The following TECPR1 variants were observed in gnomAD, a reference collection of about 807,000 sequenced individuals.
TECPR1 encodes tectonin beta-propeller repeat-containing protein 1.
Under a neutral mutation model 162.4 loss-of-function variants are expected in TECPR1, and 122 were observed. The observed-to-expected ratio is 0.75, with a 90% confidence interval of 0.65 to 0.87. The LOEUF (loss-of-function observed/expected upper bound fraction) is 0.87, where lower values mean the gene tolerates loss of function less well. Ranked by LOEUF, TECPR1 falls within the 40% of genes least tolerant of loss-of-function variation. The pLI is 0.00. For missense variants in TECPR1, 1,432 were observed against 1,618.2 expected (o/e 0.88, Z 1.97); for synonymous variants, 642 against 670.6 (o/e 0.96, Z 0.66).
intron 2 of TECPR1, among the ~76,000 whole-genome samples, chr7:98,248,188 G>C (rs953467100): frequency 5.9e-5 from 9 of 152,190 alleles, no homozygotes; most frequent in African/African-American, 2.2e-4. Context: ...TTTCCACCGT[G>C]GCAGGGCCAC....
At chr7:98,234,701 T>C (rs1212141659) in intron 10 of TECPR1, among the ~76,000 whole-genome samples, 2 of 140,522 alleles carry the variant, frequency 1.4e-5, no homozygotes, top group Non-Finnish European at 3.0e-5. Context: ...GCATTTGTTA[T>C]TGTCTTTTTT....
Position 98,217,020 on chromosome 7 carries a change from C to T in TECPR1, c.*370G>A, listed in dbSNP as rs1022636665. Reference sequence around the variant, plus strand: ...CTGAGATGCCAGCTCAGGAGGGCTCCATCCTGGCTCTGCTGCCCCAGGGCC... The same window carrying T: ...CTGAGATGCCAGCTCAGGAGGGCTCTATCCTGGCTCTGCTGCCCCAGGGCC... On this transcript the variant is annotated 3_prime_UTR_variant, in exon 26 of 26. Coordinates refer to ENST00000447648, the MANE Select transcript of TECPR1 (RefSeq NM_015395.3). The T allele has an allele frequency of 1.9e-5, 4 of 211,352 alleles. No individual in the cohort carries two copies. The highest frequency in any genetic ancestry group is 2.3e-4 in the South Asian group (2 of 8,758). 13.1% of individuals were successfully genotyped at this position (211,352 alleles called of 1,614,324 possible). A position where few individuals can be genotyped will look rare whatever the true frequency, so the allele number is the denominator to read the frequency against.
chr7:98,222,794 C>T (rs1798176495), intron 21 of TECPR1, 196 bp downstream of exon 21: 1 of 828,992 alleles, frequency 1.2e-6, no homozygotes, highest in Non-Finnish European at 1.9e-6. Flanking sequence ...GCCGCAGTGT[C>T]CCCTTGGCCC....
intron 23 of TECPR1, among the ~76,000 whole-genome samples, chr7:98,220,564 C>CTTT (rs112300518): frequency 8.1e-5 from 10 of 123,842 alleles, no homozygotes; most frequent in South Asian, 2.7e-4. Context: ...CCACATCTGG[C>CTTT]TTTTTTTTTT....
At chr7:98,239,054 G>A (rs1584348866) in intron 8 of TECPR1, among the ~76,000 whole-genome samples, 1 of 152,224 alleles carries the variant, frequency 6.6e-6, no homozygotes, top group Non-Finnish European at 1.5e-5. Context: ...AATACTTAAA[G>A]TGAAGTATTT....
At chr7:98,235,841 A>AAAAAAAAAAAC (rs1798584447) in intron 10 of TECPR1, among the ~76,000 whole-genome samples, 1 of 123,092 alleles carries the variant, frequency 8.1e-6, no homozygotes, top group African/African-American at 2.7e-5. Context: ...AAAAAAAAAA[A>AAAAAAAAAAAC]AAAAAAAAAA....
At chr7:98,236,146 T>C (rs4727388) in intron 10 of TECPR1, among the ~76,000 whole-genome samples, 64,924 of 152,118 alleles carry the variant, frequency 0.43, 14,388 homozygotes, top group East Asian at 0.7. Context: ...CTCTCACGGC[T>C]GGTGGGCAGA....
intron 10 of TECPR1, among the ~76,000 whole-genome samples, chr7:98,234,759 G>A (rs908864843): frequency 2.8e-5 from 4 of 145,444 alleles, no homozygotes; most frequent in Non-Finnish European, 3.0e-5. Context: ...TGCCCAGGCT[G>A]GAGTGTAGTG....
chr7:98,245,074 GC>G lies in TECPR1; in HGVS notation c.226-8del, dbSNP rs1188356417. Reference sequence around the variant, plus strand: ...CGCCCATGGGATTCCAGCGCTGAGGGCCGGGGACACAGAGGCGGCCTTGGAC... The same window carrying G: ...CGCCCATGGGATTCCAGCGCTGAGGGCGGGGACACAGAGGCGGCCTTGGAC... On this transcript the variant is annotated splice_polypyrimidine_tract_variant and splice_region_variant and intron_variant, in intron 3 of 25. Transcript: ENST00000447648. 4 of 1,572,346 alleles carry G rather than the reference GC, an allele frequency of 2.5e-6. No homozygotes were observed. Among genetic ancestry groups the G allele is most frequent in the Non-Finnish European group, 3.4e-6 (4 of 1,159,912 alleles).
intron 17 of TECPR1, among the ~76,000 whole-genome samples, chr7:98,227,066 A>T (rs912719037): frequency 1.1e-4 from 17 of 152,132 alleles, no homozygotes; most frequent in Admixed American, 2.0e-4. Flanking sequence ...AAAATATGAA[A>T]TACCGTCTAA....
chr7:98,226,311 G>A (rs186512796), intron 17 of TECPR1, among the ~76,000 whole-genome samples: 1 of 152,342 alleles, frequency 6.6e-6, no homozygotes, highest in East Asian at 1.9e-4. Flanking sequence ...ATTTACTGGG[G>A]TAAACACACA....
intron 2 of TECPR1, among the ~76,000 whole-genome samples, chr7:98,249,908 A>C (rs568821055): frequency 6.0e-4 from 89 of 149,202 alleles, no homozygotes; most frequent in Non-Finnish European, 9.9e-4. Flanking sequence ...ACACAGCAAG[A>C]CTCCATCTCA....
intron 2 of TECPR1, among the ~76,000 whole-genome samples, chr7:98,248,300 C>A (rs1798965440): frequency 6.6e-6 from 1 of 152,168 alleles, no homozygotes; most frequent in South Asian, 2.1e-4. Context: ...AGATCCAACC[C>A]AGGACACTGG....
chr7:98,240,388 T>C lies in TECPR1; in HGVS notation c.933+463A>G, dbSNP rs567528629. On this transcript the variant is annotated intron_variant, in intron 8 of 25. Transcript: ENST00000447648. ...TGGCAACAATTTCAGCAACAAACAA[T>C]GCATGGTGCTCAGCTGGTGCCGGAT... Among the ~76,000 whole-genome samples, 79 of 152,202 alleles carry C rather than the reference T, an allele frequency of 5.2e-4. 1 individual carries two copies. Among genetic ancestry groups the C allele is most frequent in the African/African-American group, 1.9e-3 (77 of 41,536 alleles).
rs1347276598 is a variant in TECPR1 at position 98,214,907 on chromosome 7, A to AG, written c.*2482dup. ...CCAGTCCTTCTTCCCCTGAGGCCAG[A>AG]GGGGACGCCCCGCGGCCACATCACA... On this transcript the variant is annotated 3_prime_UTR_variant, in exon 26 of 26. Coordinates refer to ENST00000447648, the MANE Select transcript of TECPR1 (RefSeq NM_015395.3). 6.6e-6 allele frequency: 1 copy of AG among 152,358 alleles called. No individual in the cohort carries two copies. Among genetic ancestry groups the AG allele is most frequent in the African/African-American group, 2.4e-5 (1 of 41,450 alleles). The allele number at this position is 152,358 out of a possible 1,614,324, so 9.4% of individuals were successfully genotyped here.
At position 98,223,110 on chromosome 7, in the gene TECPR1, G is replaced by A. The variant is rs754362955; in HGVS notation, c.2808C>T (p.Asp936=). The change falls in exon 21 of 26, where the codon GAC becomes GAT. Residue 936 remains aspartate, a synonymous_variant. Transcript: ENST00000447648. ...CCGGGCTCTCCGGGATGATGGACAC[G>A]TCCCTGAGGGCGATGGGGGGCACCT... The part of the protein sequence containing the change: ...WLEVPPIALR[D]VSIIPESPGA... The A allele has an allele frequency of 1.7e-5, 27 of 1,603,990 alleles. No homozygotes were observed. The highest frequency in any genetic ancestry group is 9.0e-5 in the East Asian group (4 of 44,530).
intron 10 of TECPR1, among the ~76,000 whole-genome samples, chr7:98,234,840 A>G (rs2116587422): frequency 6.7e-6 from 1 of 150,042 alleles, no homozygotes; most frequent in African/African-American, 2.5e-5. Context: ...CCTTGTAAGT[A>G]GCTAGGACTA....
chr7:98,225,111 G>C lies in TECPR1; in HGVS notation c.2514-9C>G. ...GGTCCGTGGGCAGACCCCTGCGGCAGGACAACAGGGCAGGTGACGAGGGAG... is the reference window on the plus strand; with the variant it reads ...GGTCCGTGGGCAGACCCCTGCGGCACGACAACAGGGCAGGTGACGAGGGAG... On this transcript the variant is annotated splice_polypyrimidine_tract_variant and intron_variant, in intron 17 of 25. Transcript: ENST00000447648. 4 of 1,561,946 alleles carry C rather than the reference G, an allele frequency of 2.6e-6. No individual in the cohort carries two copies. The highest frequency in any genetic ancestry group is 3.5e-6 in the Non-Finnish European group (4 of 1,154,880).
At position 98,217,431 on chromosome 7, in the gene TECPR1, G is replaced by A. The variant is rs1446420156; in HGVS notation, c.3457C>T (p.Pro1153Ser). 1.2e-6 allele frequency: 2 copies of A among 1,608,096 alleles called. No individual in the cohort carries two copies. Among genetic ancestry groups the A allele is most frequent in the East Asian group, 2.2e-5 (1 of 44,824 alleles). The change falls in exon 26 of 26, where the codon CCG becomes TCG. Residue 1153 changes from proline to serine, a missense_variant. Physicochemically the swap from Pro to Ser is moderately conservative, Grantham distance 74 (BLOSUM62 -1). Coordinates refer to ENST00000447648, the MANE Select transcript of TECPR1 (RefSeq NM_015395.3). ...APRSSSQEQE[P>S]SAPPEAHGPV... ...CCATGGGCCTCTGGTGGGGCACTCG[G>A]CTCCTGCTCCTGGGACGAGCTCCGG...
Sources: gnomAD v4.1 joint callset for allele counts (sites outside exome capture counted in the v4.1 genomes callset) on GRCh38, gnomAD v4.1.1 for gene constraint, MANE v1.5 for transcripts, NCBI Gene and HGNC (gene_info 2026-07-23, HGNC 2026-07-21) for gene names.